The following DOK6 variants were observed in gnomAD, a reference collection of about 807,000 sequenced individuals.
The protein encoded by DOK6 is docking protein 6.
A neutral mutation model predicts 44.0 loss-of-function variants in DOK6; 22 were observed. The ratio of observed to expected loss-of-function variants is 0.50; its 90% CI spans 0.36 to 0.71. The LOEUF is 0.71. Ranked by LOEUF, DOK6 falls within the 30% of genes least tolerant of loss-of-function variation. The pLI is 0.00. For missense variants in DOK6, 340 were observed against 416.4 expected (o/e 0.82, Z 1.60); for synonymous variants, 166 against 145.5 (o/e 1.14, Z -1.01).
chr18:69,559,948 G>T (rs1372705367), intron 1 of DOK6, among the ~76,000 whole-genome samples: 1 of 152,088 alleles, frequency 6.6e-6, no homozygotes, highest in Non-Finnish European at 1.5e-5. Flanking sequence ...ATGACCCCAT[G>T]TAACCCTACT....
chr18:69,810,702 A>C (rs1471070505), intron 7 of DOK6, among the ~76,000 whole-genome samples: 1 of 152,080 alleles, frequency 6.6e-6, no homozygotes, highest in Non-Finnish European at 1.5e-5. Flanking sequence ...GCCAACAGGT[A>C]CATGAAAAAT....
chr18:69,794,228 C>T (rs1568128203), intron 7 of DOK6, among the ~76,000 whole-genome samples: 1 of 152,120 alleles, frequency 6.6e-6, no homozygotes. Flanking sequence ...CAGTACTGTT[C>T]AGTTATACAT....
At position 69,607,782 on chromosome 18, in the gene DOK6, C is replaced by T. The variant is rs370152061; in HGVS notation, c.289+8284C>T. Among the ~76,000 whole-genome samples the T allele has an allele frequency of 1.4e-4, 21 of 152,180 alleles. No homozygotes were observed. The South Asian group carries it at 3.9e-3, about 29-fold the overall frequency. On this transcript the variant is annotated intron_variant, in intron 3 of 7. Coordinates refer to ENST00000382713, the MANE Select transcript of DOK6 (RefSeq NM_152721.6). ...GACAGAGCTCCAAAACTATAAAACA[C>T]GACAACTGATACATCTGAGCCTAAA...
At chr18:69,638,386 T>C (rs927279578) in intron 3 of DOK6, among the ~76,000 whole-genome samples, 11 of 152,212 alleles carry the variant, frequency 7.2e-5, no homozygotes, top group Admixed American at 2.6e-4. Context: ...CTGATTCTGA[T>C]TGAGGATAAG....
At chr18:69,513,862 T>C (rs1435479509) in intron 1 of DOK6, among the ~76,000 whole-genome samples, 1 of 152,214 alleles carries the variant, frequency 6.6e-6, no homozygotes, top group East Asian at 1.9e-4. Context: ...ATACAATTTA[T>C]AATTAAAATA....
chr18:69,613,006 G>C (rs897366083), intron 3 of DOK6, among the ~76,000 whole-genome samples: 4 of 151,714 alleles, frequency 2.6e-5, no homozygotes, highest in Admixed American at 6.6e-5. Context: ...CTGAAGCTGG[G>C]ACTACAGCTG....
intron 1 of DOK6, among the ~76,000 whole-genome samples, chr18:69,459,082 C>T (rs955999846): frequency 2.1e-4 from 28 of 135,794 alleles, no homozygotes; most frequent in Non-Finnish European, 3.1e-4. Flanking sequence ...GGTGACAGAG[C>T]GAGACTCCCC....
intron 7 of DOK6, among the ~76,000 whole-genome samples, chr18:69,790,333 A>G (rs1441901156): frequency 6.6e-6 from 1 of 152,170 alleles, no homozygotes; most frequent in Non-Finnish European, 1.5e-5. Context: ...CTTAAAACCT[A>G]TGATGGGTTG....
chr18:69,541,703 A>T (rs893816060), intron 1 of DOK6, among the ~76,000 whole-genome samples: 7 of 151,494 alleles, frequency 4.6e-5, no homozygotes, highest in African/African-American at 7.2e-5. Flanking sequence ...TGAAACTTCT[A>T]TATGCTGATT....
rs1982240772 is a variant in DOK6, at chr18:69,842,085, T to C, written c.*702T>C. 6.6e-6 allele frequency: 1 copy of C among 150,780 alleles called. No individual in the cohort carries two copies. Among genetic ancestry groups the C allele is most frequent in the South Asian group, 2.1e-4 (1 of 4,762 alleles). The allele number at this position is 150,780 out of a possible 1,614,324, so 9.3% of individuals were successfully genotyped here. A position where few individuals can be genotyped will look rare whatever the true frequency, so the allele number is the denominator to read the frequency against. ...CACTTAAATTGTTGAAAACCATAAT[T>C]TGGTGCATTAAAGTTAAGATTGTTA... On this transcript the variant is annotated 3_prime_UTR_variant, in exon 8 of 8. Transcript: ENST00000382713.
At chr18:69,458,414 G>A (rs1979688683) in intron 1 of DOK6, among the ~76,000 whole-genome samples, 2 of 152,076 alleles carry the variant, frequency 1.3e-5, no homozygotes, top group Admixed American at 6.6e-5. Flanking sequence ...TAACAGCCTT[G>A]TATGACAAAC....
intron 1 of DOK6, among the ~76,000 whole-genome samples, chr18:69,496,756 C>A (rs1980903342): frequency 6.6e-6 from 1 of 152,102 alleles, no homozygotes; most frequent in Admixed American, 6.5e-5. Flanking sequence ...CATATCATAT[C>A]ACATTGTAGT....
At chr18:69,654,743 G>T (rs143847473) in intron 3 of DOK6, among the ~76,000 whole-genome samples, 1 of 152,140 alleles carries the variant, frequency 6.6e-6, no homozygotes, top group African/African-American at 2.4e-5. Flanking sequence ...AGATTAAACC[G>T]TTTTGTTGAG....
chr18:69,708,783 C>CAA (rs376287840), intron 5 of DOK6, among the ~76,000 whole-genome samples: 51 of 79,054 alleles, frequency 6.5e-4, no homozygotes, highest in East Asian at 1.4e-3. Context: ...AAATCCGTCT[C>CAA]AAAAAAAAAA....
At chr18:69,745,522 T>C (rs1978956878) in intron 6 of DOK6, among the ~76,000 whole-genome samples, 1 of 152,184 alleles carries the variant, frequency 6.6e-6, no homozygotes, top group Non-Finnish European at 1.5e-5. Context: ...GATATAAGCA[T>C]TGCCTGGGAG....
intron 1 of DOK6, among the ~76,000 whole-genome samples, chr18:69,446,104 C>T (rs577411959): frequency 2.6e-5 from 4 of 151,766 alleles, no homozygotes; most frequent in Non-Finnish European, 4.4e-5. Context: ...ATGTGCACAA[C>T]GTGCACGTTT....
chr18:69,572,934 G>A (rs1276697144), intron 2 of DOK6, among the ~76,000 whole-genome samples: 1 of 151,724 alleles, frequency 6.6e-6, no homozygotes, highest in Non-Finnish European at 1.5e-5. Flanking sequence ...CAGCTACTTA[G>A]AAAATGTTTT....
At chr18:69,617,740 G>GGGAA (rs1400933873) in intron 3 of DOK6, among the ~76,000 whole-genome samples, 7 of 51,952 alleles carry the variant, frequency 1.3e-4, no homozygotes, top group Non-Finnish European at 3.2e-4. Context: ...GGGGGAAGGA[G>GGGAA]GGAAGGAAGG....
At chr18:69,699,921 C>T (rs1986474329) in intron 5 of DOK6, among the ~76,000 whole-genome samples, 1 of 152,040 alleles carries the variant, frequency 6.6e-6, no homozygotes. Context: ...CTCACAGTCC[C>T]ACGTGGCTAA....
Sources: gnomAD v4.1 joint callset for allele counts (sites outside exome capture counted in the v4.1 genomes callset) on GRCh38, gnomAD v4.1.1 for gene constraint, MANE v1.5 for transcripts, NCBI Gene and HGNC (gene_info 2026-07-23, HGNC 2026-07-21) for gene names.